Variants in USP4 observed in about 807,000 individuals in gnomAD.
USP4 encodes ubiquitin carboxyl-terminal hydrolase 4.
Under a neutral mutation model 118.2 loss-of-function variants are expected in USP4, and 72 were observed. The ratio of observed to expected loss-of-function variants is 0.61; its 90% CI spans 0.50 to 0.74. The LOEUF is 0.74. Among genes scored for constraint, USP4 ranks in the 30% least tolerant of loss-of-function variants. The pLI is 0.00. For synonymous variants in USP4, 415 were observed against 440.4 expected (o/e 0.94, Z 0.72); for missense variants, 1,037 against 1,185.7 (o/e 0.87, Z 1.84).
At chr3:49,280,612 G>T in intron 20 of USP4, 132 bp downstream of exon 20, 34 of 529,916 alleles carry the variant, frequency 6.4e-5, no homozygotes, top group Middle Eastern at 7.4e-4. Context: ...GAATCAGTAT[G>T]AAGAAAGCGT....
intron 1 of USP4, among the ~76,000 whole-genome samples, chr3:49,336,141 G>A (rs1463015153): frequency 6.9e-6 from 1 of 145,042 alleles, no homozygotes; most frequent in Non-Finnish European, 1.5e-5. Flanking sequence ...TGGGATTACA[G>A]GCATGAGCCA....
At chr3:49,298,435 T>C in intron 12 of USP4, 117 bp downstream of exon 12, 1 of 899,060 alleles carries the variant, frequency 1.1e-6, no homozygotes, top group Non-Finnish European at 1.8e-6. Context: ...ACACAAATAA[T>C]CACATTTGTG....
At chr3:49,296,046 T>A (rs373530303) in intron 13 of USP4, among the ~76,000 whole-genome samples, 5 of 152,052 alleles carry the variant, frequency 3.3e-5, no homozygotes, top group African/African-American at 9.7e-5. Context: ...AAGTAGCAGA[T>A]GCAGGCCGGG....
chr3:49,328,883 T>A (rs1478917429), intron 2 of USP4, among the ~76,000 whole-genome samples: 1 of 142,922 alleles, frequency 7.0e-6, no homozygotes, highest in African/African-American at 2.6e-5. Context: ...TAAATAAAAA[T>A]TAAAATTAAA....
At chr3:49,309,229 TA>T (rs1278483641) in intron 8 of USP4, among the ~76,000 whole-genome samples, 4 of 152,034 alleles carry the variant, frequency 2.6e-5, no homozygotes, top group Non-Finnish European at 4.4e-5. Flanking sequence ...TGACTCCTTC[TA>T]AACAAATTAC....
chr3:49,304,518 C>G (rs2047292630), intron 9 of USP4, among the ~76,000 whole-genome samples: 1 of 152,114 alleles, frequency 6.6e-6, no homozygotes, highest in Non-Finnish European at 1.5e-5. Flanking sequence ...GGGGTCCCAA[C>G]TCAAACCACG....
chr3:49,302,467 GAAGA>G lies in USP4; in HGVS notation c.1200_1203del (p.Leu401Ter), dbSNP rs1297768904. 3.1e-6 allele frequency: 5 copies of G among 1,614,056 alleles called. No individual in the cohort carries two copies. Among genetic ancestry groups the G allele is most frequent in the Non-Finnish European group, 4.2e-6 (5 of 1,180,044 alleles). On this transcript the variant is annotated frameshift_variant, in exon 10 of 22. Transcript: ENST00000265560. LOFTEE classifies it high-confidence loss of function. ...TTCAGATCTTCATGCAATCCATCTA[GAAGA>G]AAGGCCAGCAGCTCCTGAGAATCTT...
chr3:49,334,675 T>G (rs1454521952), intron 2 of USP4, among the ~76,000 whole-genome samples: 3 of 151,980 alleles, frequency 2.0e-5, no homozygotes, highest in Non-Finnish European at 4.4e-5. Flanking sequence ...GCCCAGGAGC[T>G]CAAGGCCAGC....
At position 49,302,480 on chromosome 3, in the gene USP4, C is replaced by A. The variant is rs2047271679; in HGVS notation, c.1191G>T (p.Leu397=). ...GCAATCCATCTAGAAGAAAGGCCAG[C>A]AGCTCCTGAGAATCTTGTTGCTGGT... ...SGYQQQDSQE[L]LAFLLDGLHE... is the part of the protein sequence containing the mutation. The change falls in exon 10 of 22, where the codon CTG becomes CTT. Residue 397 remains leucine (L), a synonymous_variant. Transcript: ENST00000265560. 1.2e-6 allele frequency: 2 copies of A among 1,614,190 alleles called. No homozygotes were observed. The highest frequency in any genetic ancestry group is 1.7e-6 in the Non-Finnish European group (2 of 1,180,018).
chr3:49,339,232 ACCACCCAGGAATCTCT>A (rs899627189), intron 1 of USP4, among the ~76,000 whole-genome samples: 2 of 152,102 alleles, frequency 1.3e-5, no homozygotes, highest in African/African-American at 2.4e-5. Flanking sequence ...ACACAATTAC[ACCACCCAGGAATCTCT>A]CCAGTAGTAC....
Position 49,298,581 on chromosome 3 carries a change from A to C in USP4, c.1567T>G (p.Ser523Ala), listed in dbSNP as rs1344173179. The C allele has an allele frequency of 1.2e-6, 2 of 1,614,200 alleles. No homozygotes were observed. Among genetic ancestry groups the C allele is most frequent in the Middle Eastern group, 1.6e-4 (1 of 6,062 alleles). The change falls in exon 12 of 22, where the codon TCC (serine) becomes GCC (alanine). Residue 523 changes from serine to alanine, a missense_variant. Around this residue, in one of 3 missense-constraint regions of USP4, gnomAD observed 522 missense variants for 592.6 expected, o/e 0.88. Coordinates refer to ENST00000265560, the MANE Select transcript of USP4 (RefSeq NM_003363.4). ...GAVSDLCEAL[S>A]RLSGIAAENM... is the part of the protein sequence containing the mutation. ...TCTGCAGCAATGCCAGACAGCCTGG[A>C]GAGAGCCTCGCACAGGTCGGACACA...
intron 9 of USP4, among the ~76,000 whole-genome samples, chr3:49,303,438 C>CAAAAA (rs1173726988): frequency 4.3e-5 from 1 of 23,344 alleles, no homozygotes; most frequent in Non-Finnish European, 8.6e-5. Context: ...AAGGCTGTCT[C>CAAAAA]AAAAAAAAAA....
chr3:49,318,592 A>T (rs1197342205), intron 6 of USP4: 1 of 985,406 alleles, frequency 1.0e-6, no homozygotes, highest in East Asian at 1.1e-4. Flanking sequence ...GGTGGTCCTC[A>T]TTAGTGAAAA....
chr3:49,304,817 G>A (rs1008708628), intron 9 of USP4, among the ~76,000 whole-genome samples: 2 of 151,822 alleles, frequency 1.3e-5, no homozygotes, highest in African/African-American at 4.8e-5. Flanking sequence ...AGGCTGGAGT[G>A]CAGTGGCGTG....
chr3:49,299,623 A>G, intron 11 of USP4, among the ~76,000 whole-genome samples: 1 of 150,474 alleles, frequency 6.6e-6, no homozygotes, highest in South Asian at 2.1e-4. Flanking sequence ...GGATCTCCTG[A>G]CCTCGTGATC....
chr3:49,295,714 G>GCGCGCGCGCGCACACACACACACA (rs149459963), intron 13 of USP4, among the ~76,000 whole-genome samples: 5 of 148,412 alleles, frequency 3.4e-5, no homozygotes, highest in African/African-American at 1.0e-4. Flanking sequence ...GCGCGCGCGC[G>GCGCGCGCGCGCACACACACACACA]CACACACACA....
intron 2 of USP4, among the ~76,000 whole-genome samples, chr3:49,334,359 C>T (rs2047648438): frequency 6.6e-6 from 1 of 152,176 alleles, no homozygotes; most frequent in Admixed American, 6.5e-5. Context: ...TGGCATAGTG[C>T]CACCATTTGA....
Position 49,284,507 on chromosome 3 carries a change from C to T in USP4, c.2349G>A (p.Glu783=), listed in dbSNP as rs2047073504. 1 of 1,614,152 alleles carries T rather than the reference C, an allele frequency of 6.2e-7. No homozygotes were observed. The highest frequency in any genetic ancestry group is 8.5e-7 in the Non-Finnish European group (1 of 1,180,042). Residue 783 remains glutamate, a synonymous_variant, in exon 18 of 22, where the codon GAG becomes GAA. Transcript: ENST00000265560. ...CAAGGGTCTCCATGGTGGTGAAGAG[C>T]TCGATGCAGTCTCTCAGGGCCACTG... ...KTTVALRDCI[E]LFTTMETLGE...
intron 6 of USP4, chr3:49,318,647 G>A (rs1011283485): frequency 2.8e-5 from 28 of 982,792 alleles, no homozygotes; most frequent in Non-Finnish European, 3.3e-5. Flanking sequence ...GGTGGCTCAC[G>A]CCTGTAATCC....
Sources: allele counts gnomAD v4.1 joint callset (sites outside exome capture counted in the v4.1 genomes callset), GRCh38; gene constraint gnomAD v4.1.1; regional missense constraint gnomAD v4.1.1; transcripts MANE v1.5; gene names NCBI Gene and HGNC (gene_info 2026-07-23, HGNC 2026-07-21).